The following UBR3 variants were observed in gnomAD, a reference collection of about 807,000 sequenced individuals.
The protein encoded by UBR3 is E3 ubiquitin-protein ligase UBR3.
Under a neutral mutation model 243.2 loss-of-function variants are expected in UBR3, and 85 were observed. The ratio of observed to expected loss-of-function variants is 0.35; its 90% CI spans 0.29 to 0.42. UBR3 has a LOEUF of 0.42. UBR3 is among the 10% of genes least tolerant of loss of function. The pLI is 1.00. For synonymous variants in UBR3, 748 were observed against 799.8 expected, an observed-to-expected ratio of 0.94 and a Z score of 1.09; for missense variants, 1,686 against 2,300.8, an observed-to-expected ratio of 0.73 and a Z score of 5.47.
chr2:169,899,225 C>A (rs1027507232), intron 8 of UBR3, among the ~76,000 whole-genome samples: 3 of 151,988 alleles, frequency 2.0e-5, no homozygotes, highest in Non-Finnish European at 4.4e-5. Flanking sequence ...GGTGATCCAC[C>A]CACCTCGGCC....
At chr2:169,930,264 C>T (rs1432511329) in intron 18 of UBR3, among the ~76,000 whole-genome samples, 1 of 152,004 alleles carries the variant, frequency 6.6e-6, no homozygotes, top group African/African-American at 2.4e-5. Flanking sequence ...GATGACTGTT[C>T]TGAACAATGC....
chr2:169,973,592 A>T (rs2088279965), intron 24 of UBR3, among the ~76,000 whole-genome samples: 1 of 152,106 alleles, frequency 6.6e-6, no homozygotes, highest in African/African-American at 2.4e-5. Flanking sequence ...CAGTTCTAAG[A>T]GTTTCTTGGC....
intron 32 of UBR3, among the ~76,000 whole-genome samples, chr2:170,050,494 C>T (rs111654296): frequency 6.6e-6 from 1 of 152,278 alleles, no homozygotes; most frequent in Non-Finnish European, 1.5e-5. Context: ...ATATACTCTA[C>T]CTTGTCTTAA....
At chr2:169,980,698 T>C (rs1334468305) in intron 24 of UBR3, among the ~76,000 whole-genome samples, 1 of 151,768 alleles carries the variant, frequency 6.6e-6, no homozygotes, top group Non-Finnish European at 1.5e-5. Context: ...ACATGTGCCA[T>C]GCTGGTGTGC....
chr2:169,887,148 G>C (rs1176384200), intron 5 of UBR3, among the ~76,000 whole-genome samples: 1 of 152,112 alleles, frequency 6.6e-6, no homozygotes, highest in Non-Finnish European at 1.5e-5. Context: ...GTTTTTCTTG[G>C]ATTTTCTTGT....
In UBR3 at chr2:169,967,502, G is replaced by A. The variant is rs563462957; in HGVS notation, c.3634+8976G>A. Among the ~76,000 whole-genome samples, 14 of 152,228 alleles carry A rather than the reference G, an allele frequency of 9.2e-5. No homozygotes were observed. The East Asian group carries it at 2.3e-3, about 25-fold the overall frequency. On this transcript the variant is annotated intron_variant, in intron 24 of 38. Coordinates refer to ENST00000272793, the MANE Select transcript of UBR3 (RefSeq NM_172070.4). ...GCTGTGACTCTACCACTCTTGTGTG[G>A]TTGTACAGTCAGTCCCACCTAAATC...
intron 10 of UBR3, among the ~76,000 whole-genome samples, chr2:169,907,604 A>T (rs2105334738): frequency 6.6e-6 from 1 of 152,102 alleles, no homozygotes. Context: ...CTGTCTCAAT[A>T]CCAAAGTTAC....
At chr2:170,021,933 G>A (rs962985278) in intron 30 of UBR3, among the ~76,000 whole-genome samples, 1 of 152,138 alleles carries the variant, frequency 6.6e-6, no homozygotes, top group Non-Finnish European at 1.5e-5. Context: ...GGACATAGGA[G>A]TCTTTGGATC....
At chr2:169,912,674 A>G (rs2085299756) in intron 10 of UBR3, among the ~76,000 whole-genome samples, 1 of 152,130 alleles carries the variant, frequency 6.6e-6, no homozygotes, top group Admixed American at 6.5e-5. Context: ...ATGTTTATAT[A>G]CATTTTTTGT....
Position 170,080,674 on chromosome 2 carries a change from C to G in UBR3, c.5539C>G (p.Arg1847Gly). The change falls in exon 38 of 39, where the codon CGG becomes GGG. Residue 1847 changes from arginine (R) to glycine (G), a missense_variant. By Grantham distance (125) the Arg-to-Gly change is moderately radical. Transcript: ENST00000272793. ...VYLDAHGEED[R>G]DLRRGKPLYI... ...TTTGGATGCTCATGGAGAGGAAGAC[C>G]GGGATCTTAGGTTAGATGTTCATGG... is the stretch of plus-strand genomic sequence containing the variant. 6.2e-7 allele frequency: 1 copy of G among 1,613,470 alleles called. No homozygotes were observed. The highest frequency in any genetic ancestry group is 8.5e-7 in the Non-Finnish European group (1 of 1,179,742).
At chr2:169,981,228 AGCT>A (rs2088714997) in intron 24 of UBR3, among the ~76,000 whole-genome samples, 1 of 152,030 alleles carries the variant, frequency 6.6e-6, no homozygotes, top group Non-Finnish European at 1.5e-5. Context: ...CTTAAGTGTG[AGCT>A]GCATGTAATG....
intron 11 of UBR3, among the ~76,000 whole-genome samples, chr2:169,916,862 C>G (rs985197071): frequency 2.6e-5 from 4 of 152,036 alleles, no homozygotes; most frequent in Admixed American, 1.3e-4. Context: ...GGCCACACCC[C>G]CTATGCCTGA....
In UBR3 at chr2:169,949,930, G is replaced by T. The variant is rs368382825; in HGVS notation, c.3410G>T (p.Arg1137Ile). The T allele has an allele frequency of 1.8e-5, 29 of 1,613,530 alleles. No individual in the cohort carries two copies. The highest frequency in any genetic ancestry group is 5.5e-5 in the South Asian group (5 of 91,048). Reference sequence around the variant, plus strand: ...GGAGATGGTATAACTGCCGTGGAAAGAATTTTACTAAAAGCTGCATCGCAA... The same window carrying T: ...GGAGATGGTATAACTGCCGTGGAAATAATTTTACTAAAAGCTGCATCGCAA... ...SHGDGITAVE[R>I]ILLKAASQSR... Residue 1137 changes from arginine to isoleucine, a missense_variant, in exon 23 of 39, where the codon AGA becomes ATA. This residue lies in a region of UBR3 where 300 missense variants were observed against 314.4 expected (regional missense o/e 0.95). Coordinates refer to ENST00000272793, the MANE Select transcript of UBR3 (RefSeq NM_172070.4).
intron 5 of UBR3, among the ~76,000 whole-genome samples, chr2:169,880,527 G>A (rs932778305): frequency 1.3e-5 from 2 of 152,108 alleles, no homozygotes; most frequent in African/African-American, 4.8e-5. Flanking sequence ...TGAATTTCCC[G>A]TGGAGACTTT....
intron 22 of UBR3, among the ~76,000 whole-genome samples, chr2:169,949,036 T>C (rs888289855): frequency 2.6e-5 from 4 of 152,150 alleles, no homozygotes; most frequent in African/African-American, 9.6e-5. Context: ...TTAAATTTCA[T>C]ATTAAAATAT....
intron 5 of UBR3, among the ~76,000 whole-genome samples, chr2:169,890,553 A>ATATGTGTGTATATATATATG (rs2084308824): frequency 1.0e-5 from 1 of 96,418 alleles, no homozygotes; most frequent in Non-Finnish European, 1.9e-5. Context: ...ATATATATAT[A>ATATGTGTGTATATATATATG]TATATATATA....
intron 6 of UBR3, among the ~76,000 whole-genome samples, chr2:169,894,408 A>G: frequency 6.7e-6 from 1 of 149,318 alleles, no homozygotes; most frequent in Non-Finnish European, 1.5e-5. Flanking sequence ...TATATCACTT[A>G]TGTCACCACT....
intron 1 of UBR3, among the ~76,000 whole-genome samples, chr2:169,840,118 G>A (rs544956588): frequency 3.9e-5 from 6 of 152,218 alleles, no homozygotes; most frequent in East Asian, 1.9e-4. Context: ...CATACCTCCC[G>A]AGTCTGCTTT....
intron 24 of UBR3, among the ~76,000 whole-genome samples, chr2:169,961,089 T>C (rs1232929174): frequency 6.6e-6 from 1 of 152,090 alleles, no homozygotes; most frequent in Non-Finnish European, 1.5e-5. Context: ...TTTTAAAATT[T>C]TATTGTAGCA....
Sources: gnomAD v4.1 joint callset for allele counts (sites outside exome capture counted in the v4.1 genomes callset) on GRCh38, gnomAD v4.1.1 for gene constraint, gnomAD v4.1.1 regional missense constraint, MANE v1.5 for transcripts, NCBI Gene and HGNC (gene_info 2026-07-23, HGNC 2026-07-21) for gene names.